Variants in MEI4 observed in about 807,000 individuals in gnomAD.
MEI4 encodes the protein meiosis-specific protein MEI4.
MEI4 carries 27 observed loss-of-function variants against 31.4 expected under a neutral mutation model. The observed-to-expected ratio is 0.86, with a 90% CI of 0.63 to 1.19. MEI4 has a LOEUF of 1.19. Ranked by LOEUF, MEI4 falls within the 50% of genes most tolerant of loss-of-function variation. The pLI, the probability that MEI4 is intolerant of heterozygous loss-of-function variation, is 0.00. For synonymous variants in MEI4, 122 were observed against 145.4 expected, an observed-to-expected ratio of 0.84 and a Z score of 1.16; for missense variants, 329 against 398.9, an observed-to-expected ratio of 0.82 and a Z score of 1.49.
At chr6:77,736,491 G>C (rs1767234670) in intron 2 of MEI4, among the ~76,000 whole-genome samples, 1 of 152,054 alleles carries the variant, frequency 6.6e-6, no homozygotes, top group Non-Finnish European at 1.5e-5. Flanking sequence ...CCCTGCTTCG[G>C]CTTGCGAACG....
chr6:77,885,393 T>C (rs1331220543), intron 4 of MEI4, among the ~76,000 whole-genome samples: 1 of 152,076 alleles, frequency 6.6e-6, no homozygotes, highest in Non-Finnish European at 1.5e-5. Context: ...GGTTTTGCCA[T>C]GTTGCCCAGG....
chr6:77,719,119 CTGAG>C (rs1766655486), intron 2 of MEI4, among the ~76,000 whole-genome samples: 1 of 141,434 alleles, frequency 7.1e-6, no homozygotes, highest in African/African-American at 2.7e-5. Flanking sequence ...TTGGACACGA[CTGAG>C]TTTGTCCTGA....
chr6:77,731,510 TG>T lies in MEI4; in HGVS notation c.233-29619del, dbSNP rs1417560105. On this transcript the variant is annotated intron_variant, in intron 2 of 4. Coordinates refer to ENST00000684080, the MANE Select transcript of MEI4 (RefSeq NM_001322247.2). ...TTCTTGTAAATTTATTTGAGTTCAT[TG>T]TAGATTCTGGATATTAGCCCTTTGT... is the stretch of plus-strand genomic sequence containing the variant. 9.9e-5 allele frequency among the ~76,000 whole-genome samples: 15 copies of T among 151,672 alleles called. No homozygotes were observed. In the East Asian group the frequency reaches 1.7e-3, roughly 18 times the overall value.
intron 4 of MEI4, among the ~76,000 whole-genome samples, chr6:77,841,022 A>G (rs1770343767): frequency 6.6e-6 from 1 of 152,108 alleles, no homozygotes; most frequent in Non-Finnish European, 1.5e-5. Flanking sequence ...AGTGCTTAAG[A>G]CCACAGGGAG....
At chr6:77,791,004 A>C (rs529515242) in intron 3 of MEI4, among the ~76,000 whole-genome samples, 1 of 152,222 alleles carries the variant, frequency 6.6e-6, no homozygotes, top group African/African-American at 2.4e-5. Context: ...ACCAGTTAGA[A>C]TGGCAATCAT....
At chr6:77,867,421 C>A (rs1433380303) in intron 4 of MEI4, among the ~76,000 whole-genome samples, 1 of 152,178 alleles carries the variant, frequency 6.6e-6, no homozygotes, top group African/African-American at 2.4e-5. Flanking sequence ...TGAACAGACA[C>A]TTCTCAAAAG....
Position 77,733,935 on chromosome 6 carries a change from G to A in MEI4, c.233-27195G>A, listed in dbSNP as rs535639651. ...TGTTCAGTTTCCATGTAGTTGAGTG[G>A]TTTTGAGTGAGATTCTTATTCCTGA... On this transcript the variant is annotated intron_variant, in intron 2 of 4. Coordinates refer to ENST00000684080, the MANE Select transcript of MEI4 (RefSeq NM_001322247.2). 1.3e-4 allele frequency among the ~76,000 whole-genome samples: 20 copies of A among 152,218 alleles called. No homozygotes were observed. In the East Asian group the frequency reaches 3.5e-3, roughly 26 times the overall value.
Position 77,736,737 on chromosome 6 carries a change from T to G in MEI4, c.233-24393T>G, listed in dbSNP as rs187064763. On this transcript the variant is annotated intron_variant, in intron 2 of 4. Coordinates refer to ENST00000684080, the MANE Select transcript of MEI4 (RefSeq NM_001322247.2). Reference sequence around the variant, plus strand: ...TAAAGTTTAAGCCCTGCCCATAGCATCACACAGTCTAGTGAGGGTAAGATT... The same window carrying G: ...TAAAGTTTAAGCCCTGCCCATAGCAGCACACAGTCTAGTGAGGGTAAGATT... Among the ~76,000 whole-genome samples, 28 of 152,192 alleles carry G rather than the reference T, an allele frequency of 1.8e-4. No individual in the cohort carries two copies. In the East Asian group the frequency reaches 5.4e-3, roughly 29 times the overall value.
intron 2 of MEI4, among the ~76,000 whole-genome samples, chr6:77,758,558 A>C (rs1767967855): frequency 6.6e-6 from 1 of 152,180 alleles, no homozygotes; most frequent in South Asian, 2.1e-4. Context: ...CTTTAAGAAA[A>C]TATTACTGTC....
chr6:77,744,829 G>A (rs997913170), intron 2 of MEI4, among the ~76,000 whole-genome samples: 5 of 152,236 alleles, frequency 3.3e-5, no homozygotes, highest in East Asian at 1.9e-4. Context: ...ATTCTTAAAG[G>A]AAAGAATTTT....
intron 3 of MEI4, among the ~76,000 whole-genome samples, chr6:77,797,516 T>G (rs960921731): frequency 2.0e-5 from 3 of 152,044 alleles, no homozygotes; most frequent in Non-Finnish European, 4.4e-5. Flanking sequence ...CAGTAGTGAC[T>G]CAGTGTGAGT....
At position 77,657,488 on chromosome 6, in the gene MEI4, T is replaced by C. The variant is rs554119615; in HGVS notation, c.-15+4396T>C. 1.6e-3 allele frequency among the ~76,000 whole-genome samples: 95 copies of C among 58,684 alleles called. 1 individual carries two copies. The highest frequency in any genetic ancestry group is 8.9e-3 in the African/African-American group (90 of 10,160). 38.5% of individuals were successfully genotyped at this position (58,684 alleles called of 152,430 possible). On this transcript the variant is annotated intron_variant, in intron 1 of 4. Transcript: ENST00000684080. ...CATCTTTTAGAGCTTCCTGTATTCT[T>C]TGTGCACTGTCAGCATCCTGGCTTA...
intron 3 of MEI4, among the ~76,000 whole-genome samples, chr6:77,826,373 A>G (rs762621212): frequency 1.3e-5 from 2 of 152,160 alleles, no homozygotes; most frequent in Non-Finnish European, 2.9e-5. Flanking sequence ...TAATTAGAGT[A>G]GGCTACAGAC....
intron 2 of MEI4, among the ~76,000 whole-genome samples, chr6:77,736,560 G>A (rs370551659): frequency 6.6e-6 from 1 of 152,072 alleles, no homozygotes. Flanking sequence ...GATGAACCCT[G>A]TACCTCAGAT....
At chr6:77,779,417 A>G (rs1188450338) in intron 3 of MEI4, among the ~76,000 whole-genome samples, 3 of 152,204 alleles carry the variant, frequency 2.0e-5, no homozygotes, top group Non-Finnish European at 4.4e-5. Flanking sequence ...TTTGCTGAAG[A>G]TATTCTAAAA....
intron 1 of MEI4, among the ~76,000 whole-genome samples, chr6:77,680,379 A>G (rs569560316): frequency 5.6e-4 from 85 of 152,174 alleles, no homozygotes; most frequent in African/African-American, 2.0e-3. Flanking sequence ...CATGGATCTT[A>G]TGAATTGATG....
At chr6:77,860,464 A>G (rs1355023552) in intron 4 of MEI4, among the ~76,000 whole-genome samples, 2 of 152,188 alleles carry the variant, frequency 1.3e-5, no homozygotes, top group African/African-American at 4.8e-5. Flanking sequence ...GATAAGAAAG[A>G]TGGACTGAAA....
rs1037830827 is a variant in MEI4 at position 77,799,054 on chromosome 6, T to C, written c.769-29877T>C. Among the ~76,000 whole-genome samples the C allele has an allele frequency of 6.5e-4, 99 of 152,304 alleles. 1 individual carries two copies. In the East Asian group the frequency reaches 0.018, roughly 27 times the overall value. ...AATGGTATTTCCAGTTCTAGATCCC[T>C]GAGGAATCACCACACTGACTTCCAC... On this transcript the variant is annotated intron_variant, in intron 3 of 4. Coordinates refer to ENST00000684080, the MANE Select transcript of MEI4 (RefSeq NM_001322247.2).
chr6:77,910,055 T>A (rs969959336), intron 4 of MEI4, among the ~76,000 whole-genome samples: 6 of 152,142 alleles, frequency 3.9e-5, no homozygotes, highest in African/African-American at 1.4e-4. Context: ...ATGGGACGTA[T>A]CTCAAAATAA....
Sources: allele counts gnomAD v4.1 joint callset (sites outside exome capture counted in the v4.1 genomes callset), GRCh38; gene constraint gnomAD v4.1.1; transcripts MANE v1.5; gene names NCBI Gene and HGNC (gene_info 2026-07-23, HGNC 2026-07-21).